GBP6: variants seen among roughly 807,000 people sequenced by gnomAD.
GBP6 encodes guanylate binding protein family member 6.
In GBP6, 54 loss-of-function variants were observed where a neutral mutation model predicts 61.5. That is an observed-to-expected ratio of 0.88 (90% CI 0.71 to 1.10). GBP6 has a LOEUF of 1.10. Among genes scored for constraint, GBP6 ranks in the 50% least tolerant of loss-of-function variants. The pLI is 0.00. For synonymous variants in GBP6, 255 were observed against 273.7 expected (o/e 0.93, Z 0.67); for missense variants, 748 against 752.8 (o/e 0.99, Z 0.07).
At position 89,388,055 on chromosome 1, in the gene GBP6, GA is replaced by G. The variant is rs1205416235; in HGVS notation, c.*2588del. Reference sequence around the variant, plus strand: ...TCTCTGTGAAACTGGGCCAAAGATAGAATTTTTTTTTCTGTGCTTTATACAG... The same window carrying G: ...TCTCTGTGAAACTGGGCCAAAGATAGATTTTTTTTTCTGTGCTTTATACAG... On this transcript the variant is annotated 3_prime_UTR_variant, in exon 11 of 11. Coordinates refer to ENST00000370456, the MANE Select transcript of GBP6 (RefSeq NM_198460.3). Among the ~76,000 whole-genome samples the G allele has an allele frequency of 6.6e-6, 1 of 152,158 alleles. No individual in the cohort carries two copies. The highest frequency in any genetic ancestry group is 1.5e-5 in the Non-Finnish European group (1 of 68,020).
Position 89,385,910 on chromosome 1 carries a change from C to G in GBP6, c.*441C>G, listed in dbSNP as rs1275021157. On this transcript the variant is annotated 3_prime_UTR_variant, in exon 11 of 11. Transcript: ENST00000370456. Reference sequence around the variant, plus strand: ...CCTGGCCCACATGAGAGAACAGATCCATACACACTTTGAAAAACTTTGTTC... The same window carrying G: ...CCTGGCCCACATGAGAGAACAGATCGATACACACTTTGAAAAACTTTGTTC... 6.5e-6 allele frequency: 1 copy of G among 152,994 alleles called. No individual in the cohort carries two copies. Among genetic ancestry groups the G allele is most frequent in the Non-Finnish European group, 1.5e-5 (1 of 68,678 alleles). 9.5% of individuals were successfully genotyped at this position (152,994 alleles called of 1,614,324 possible). A position where few individuals can be genotyped will look rare whatever the true frequency, so the allele number is the denominator to read the frequency against.
chr1:89,369,491 G>T, intron 2 of GBP6, 55 bp from the exon 3 acceptor site: 1 of 1,579,934 alleles, frequency 6.3e-7, no homozygotes, highest in Non-Finnish European at 8.6e-7. Flanking sequence ...TGTGGCCCCA[G>T]GGCGGCTTGG....
At chr1:89,367,291 A>G (rs1652491318) in intron 1 of GBP6, among the ~76,000 whole-genome samples, 1 of 152,148 alleles carries the variant, frequency 6.6e-6, no homozygotes, top group Admixed American at 6.5e-5. Context: ...CAGGTTCCAA[A>G]TCCTCAACAT....
chr1:89,380,494 T>C lies in GBP6; in HGVS notation c.734T>C (p.Leu245Pro), dbSNP rs748668641. Residue 245 changes from leucine to proline, a missense_variant, in exon 6 of 11, where the codon CTT (leucine) becomes CCT (proline). By Grantham distance (98) the Leu-to-Pro change is moderately conservative (BLOSUM62 -3). Coordinates refer to ENST00000370456, the MANE Select transcript of GBP6 (RefSeq NM_198460.3). ...VFDRPTNDKD[L>P]LANIEKVSEK... ...GACCGGCCAACAAATGACAAAGACCTTCTAGCCAATATTGAGAAGGTGTCA... is the reference window on the plus strand; with the variant it reads ...GACCGGCCAACAAATGACAAAGACCCTCTAGCCAATATTGAGAAGGTGTCA... The C allele has an allele frequency of 2.8e-5, 46 of 1,614,042 alleles. No individual in the cohort carries two copies. Among genetic ancestry groups the C allele is most frequent in the Non-Finnish European group, 3.6e-5 (43 of 1,180,034 alleles).
At chr1:89,381,334 T>C (rs1652971709) in intron 6 of GBP6, among the ~76,000 whole-genome samples, 1 of 150,566 alleles carries the variant, frequency 6.6e-6, no homozygotes, top group African/African-American at 2.4e-5. Flanking sequence ...TGAAAATACA[T>C]TGGTAGCTTC....
intron 5 of GBP6, 30 bp downstream of exon 5, chr1:89,378,643 G>T: frequency 1.3e-6 from 2 of 1,551,016 alleles, no homozygotes; most frequent in Non-Finnish European, 1.8e-6. Flanking sequence ...GCTGTGGGTG[G>T]TCCACTGGGT....
At chr1:89,383,411 G>T (rs566225371) in intron 8 of GBP6, among the ~76,000 whole-genome samples, 64 of 152,242 alleles carry the variant, frequency 4.2e-4, no homozygotes, top group Admixed American at 6.5e-4. Flanking sequence ...GTTCTGCCTG[G>T]CCGGAACCCA....
rs116269969 is a variant in GBP6, at chr1:89,370,651, T to C, written c.318+978T>C. On this transcript the variant is annotated intron_variant, in intron 3 of 10. Transcript: ENST00000370456. Reference sequence around the variant, plus strand: ...GCCCAAACAGGCGTTAGAAATTCTGTTTATTTTTCTGCTTTAGTGTTGTAT... The same window carrying C: ...GCCCAAACAGGCGTTAGAAATTCTGCTTATTTTTCTGCTTTAGTGTTGTAT... 8.5e-3 allele frequency among the ~76,000 whole-genome samples: 1,288 copies of C among 152,346 alleles called. 16 individuals are homozygous for C. The highest frequency in any genetic ancestry group is 0.029 in the African/African-American group (1,225 of 41,560).
At chr1:89,364,626 C>T (rs865801876) in intron 1 of GBP6, among the ~76,000 whole-genome samples, 95 of 107,614 alleles carry the variant, frequency 8.8e-4, no homozygotes, top group Admixed American at 1.7e-3. Context: ...TCTGTGTGTG[C>T]GTGTGTGTGT....
At position 89,382,709 on chromosome 1, in the gene GBP6, G is replaced by C; in HGVS notation, c.1198G>C (p.Glu400Gln). The part of the protein sequence containing the change: ...KKGDFLLQNE[E>Q]SSVQYCQAKL... ...GGGGGATTTCTTGCTGCAGAATGAA[G>C]AGTCATCTGTTCAATACTGCCAGGC... The change falls in exon 8 of 11, where the codon GAG becomes CAG. Residue 400 changes from glutamate (E) to glutamine (Q), a missense_variant. Physicochemically the swap from Glu to Gln is conservative, Grantham distance 29. Transcript: ENST00000370456. The C allele has an allele frequency of 6.2e-7, 1 of 1,614,162 alleles. No homozygotes were observed. Among genetic ancestry groups the C allele is most frequent in the Non-Finnish European group, 8.5e-7 (1 of 1,179,998 alleles).
At position 89,382,330 on chromosome 1, in the gene GBP6, A is replaced by G. The variant is rs1653002229; in HGVS notation, c.1153-334A>G. Among the ~76,000 whole-genome samples, 7 of 152,134 alleles carry G rather than the reference A, an allele frequency of 4.6e-5. No homozygotes were observed. The South Asian group carries it at 1.5e-3, about 32-fold the overall frequency. On this transcript the variant is annotated intron_variant, in intron 7 of 10. Transcript: ENST00000370456. ...GATCGTAATTCCGGGCCATTGTTCA[A>G]CTTACATTGCTCCTTCTTGTATCCT... is the stretch of plus-strand genomic sequence containing the variant.
intron 7 of GBP6, among the ~76,000 whole-genome samples, chr1:89,382,363 T>C (rs1055050484): frequency 1.2e-4 from 18 of 152,208 alleles, no homozygotes; most frequent in African/African-American, 1.9e-4. Context: ...CCTTGTACCA[T>C]TGAGGACAGG....
chr1:89,373,198 C>T (rs576585529), intron 3 of GBP6, among the ~76,000 whole-genome samples: 11 of 152,280 alleles, frequency 7.2e-5, no homozygotes, highest in Admixed American at 2.0e-4. Flanking sequence ...GAAATAGGAA[C>T]ACTTTTACAC....
intron 3 of GBP6, among the ~76,000 whole-genome samples, chr1:89,375,057 T>A (rs1652766899): frequency 6.6e-6 from 1 of 152,196 alleles, no homozygotes; most frequent in African/African-American, 2.4e-5. Context: ...TTGCTAAGGA[T>A]AATGCCCTCC....
chr1:89,371,857 A>G (rs1652653857), intron 3 of GBP6, among the ~76,000 whole-genome samples: 1 of 152,206 alleles, frequency 6.6e-6, no homozygotes, highest in South Asian at 2.1e-4. Context: ...TCAATTAGGA[A>G]AAGAGGAAGT....
At chr1:89,370,907 T>C (rs952862060) in intron 3 of GBP6, among the ~76,000 whole-genome samples, 10 of 152,222 alleles carry the variant, frequency 6.6e-5, no homozygotes, top group African/African-American at 2.4e-4. Flanking sequence ...TTGTTACTTA[T>C]AGTCACACTG....
rs1171943760 is a variant in GBP6 at position 89,368,674 on chromosome 1, G to A, written c.123G>A (p.Val41=). The A allele has an allele frequency of 2.5e-6, 4 of 1,614,048 alleles. No individual in the cohort carries two copies. The African/African-American group carries it at 4.0e-5, about 16-fold the overall frequency. The change falls in exon 2 of 11, where the codon GTG becomes GTA. Residue 41 remains valine (V), a synonymous_variant. Transcript: ENST00000370456. ...LEKISQPVVV[V]AIVGLYRTGK... is the part of the protein sequence containing the mutation. ...AGATTTCTCAGCCAGTGGTGGTGGT[G>A]GCCATTGTAGGACTGTACCGTACAG...
chr1:89,381,706 T>C lies in GBP6; in HGVS notation c.884T>C (p.Leu295Pro), dbSNP rs1652982955. The C allele has an allele frequency of 6.2e-7, 1 of 1,603,742 alleles. No individual in the cohort carries two copies. Among genetic ancestry groups the C allele is most frequent in the Admixed American group, 1.7e-5 (1 of 59,440 alleles). Reference protein sequence around the residue: ...ITVTGNRLGTLAVTYVEAINS... With the variant: ...ITVTGNRLGTPAVTYVEAINS... ...CTGGTTCATTTAGGTCTGGGAACTC[T>C]GGCAGTGACTTATGTAGAGGCCATC... The change falls in exon 7 of 11, where the codon CTG becomes CCG. Residue 295 changes from leucine to proline, a missense_variant. Physicochemically the swap from Leu to Pro is moderately conservative, Grantham distance 98. Transcript: ENST00000370456.
chr1:89,376,900 T>C (rs7511795), intron 3 of GBP6, among the ~76,000 whole-genome samples: 120,275 of 152,010 alleles, frequency 0.79, 47,728 homozygotes, highest in African/African-American at 0.86. Context: ...AAGTCGTCTA[T>C]CAAACAGTGA....
Sources: gnomAD v4.1 joint callset for allele counts (sites outside exome capture counted in the v4.1 genomes callset) on GRCh38, gnomAD v4.1.1 for gene constraint, MANE v1.5 for transcripts, NCBI Gene and HGNC (gene_info 2026-07-23, HGNC 2026-07-21) for gene names.